NEURL1B: variants seen among roughly 807,000 people sequenced by gnomAD.
NEURL1B encodes the protein E3 ubiquitin-protein ligase NEURL1B.
A neutral mutation model predicts 37.4 loss-of-function variants in NEURL1B; 13 were observed. The observed-to-expected ratio is 0.35, with a 90% CI of 0.23 to 0.55. NEURL1B has a LOEUF of 0.55. NEURL1B is among the 20% of genes least tolerant of loss of function. The pLI, the probability that NEURL1B is intolerant of heterozygous loss-of-function variation, is 0.89. For missense variants in NEURL1B, 790 were observed against 879.2 expected, an observed-to-expected ratio of 0.90 and a Z score of 1.28; for synonymous variants, 432 against 426.6, an observed-to-expected ratio of 1.01 and a Z score of -0.16.
In NEURL1B at chr5:172,647,504, G is replaced by A. The variant is rs954768330; in HGVS notation, c.31+6067G>A. ...GTGAATTGGATCCCAGGCACGCTGGGCTCCACACCCCTTCCCCTCCATCCC... is the reference window on the plus strand; with the variant it reads ...GTGAATTGGATCCCAGGCACGCTGGACTCCACACCCCTTCCCCTCCATCCC... On this transcript the variant is annotated intron_variant, in intron 1 of 4. Coordinates refer to ENST00000369800, the MANE Select transcript of NEURL1B (RefSeq NM_001142651.3). The surrounding 1 kb of genome is among the most constrained non-coding windows in gnomAD (Gnocchi z 4.2). Among the ~76,000 whole-genome samples, 1 of 152,038 alleles carries A rather than the reference G, an allele frequency of 6.6e-6. No homozygotes were observed. The highest frequency in any genetic ancestry group is 2.1e-4 in the South Asian group (1 of 4,826).
intron 1 of NEURL1B, among the ~76,000 whole-genome samples, chr5:172,653,727 A>G (rs928803323): frequency 1.3e-5 from 2 of 152,234 alleles, no homozygotes; most frequent in Non-Finnish European, 2.9e-5. Flanking sequence ...TACTAAAAGT[A>G]TATTTTACTT....
At chr5:172,679,492 C>T (rs1758304048) in intron 2 of NEURL1B, among the ~76,000 whole-genome samples, 3 of 152,198 alleles carry the variant, frequency 2.0e-5, no homozygotes, top group Non-Finnish European at 2.9e-5. Flanking sequence ...TGCCTATAGC[C>T]GACTGGTTCT....
chr5:172,666,019 A>G (rs1310054697), intron 1 of NEURL1B, among the ~76,000 whole-genome samples: 1 of 152,224 alleles, frequency 6.6e-6, no homozygotes, highest in Admixed American at 6.5e-5. Flanking sequence ...TGCCTGTGCC[A>G]GTCCAGTGCC....
rs551577324 is a variant in NEURL1B, at chr5:172,657,061, A to G, written c.32-12724A>G. ...ATTTGAGTCAGTCCCTCACGTCCCC[A>G]TGATGGATGACTGGTTGGCTAGGGA... On this transcript the variant is annotated intron_variant, in intron 1 of 4. Transcript: ENST00000369800. The surrounding 1 kb of genome is among the most constrained non-coding windows in gnomAD (Gnocchi z 4.0). Among the ~76,000 whole-genome samples, 249 of 152,334 alleles carry G rather than the reference A, an allele frequency of 1.6e-3. 1 individual carries two copies. Among genetic ancestry groups the G allele is most frequent in the African/African-American group, 5.7e-3 (237 of 41,572 alleles).
chr5:172,687,290 T>G lies in NEURL1B; in HGVS notation c.*365T>G, dbSNP rs1758525537. ...GGGGAGGGAGGGAGAACAGAGAGAA[T>G]GTGTGTGTGAGAGAGAGAGAGAGAG... On this transcript the variant is annotated 3_prime_UTR_variant, in exon 5 of 5. Coordinates refer to ENST00000369800, the MANE Select transcript of NEURL1B (RefSeq NM_001142651.3). 9.5e-6 allele frequency: 2 copies of G among 209,630 alleles called. No individual in the cohort carries two copies. The highest frequency in any genetic ancestry group is 9.7e-6 in the Non-Finnish European group (1 of 103,436). The allele number at this position is 209,630 out of a possible 1,614,324, so 13.0% of individuals were successfully genotyped here. A position where few individuals can be genotyped will look rare whatever the true frequency, so the allele number is the denominator to read the frequency against.
intron 1 of NEURL1B, among the ~76,000 whole-genome samples, chr5:172,669,537 T>G (rs1758078204): frequency 7.6e-6 from 1 of 131,232 alleles, no homozygotes; most frequent in South Asian, 2.2e-4. Flanking sequence ...ACAGCTCTAG[T>G]GCTTCACCAC....
chr5:172,643,146 G>C (rs1478075083), intron 1 of NEURL1B, among the ~76,000 whole-genome samples: 7 of 152,180 alleles, frequency 4.6e-5, no homozygotes, highest in Non-Finnish European at 1.5e-5. Flanking sequence ...CCTAGTCTGG[G>C]AGCCGGCAGT....
chr5:172,674,055 G>A lies in NEURL1B; in HGVS notation c.577+3725G>A, dbSNP rs189676252. ...CTTGGGAGGCTGAGGCAGAAGAATCGCTTGAACCCAGGAGGCAGAGGTTGC... is the reference window on the plus strand; with the variant it reads ...CTTGGGAGGCTGAGGCAGAAGAATCACTTGAACCCAGGAGGCAGAGGTTGC... On this transcript the variant is annotated intron_variant, in intron 2 of 4. Coordinates refer to ENST00000369800, the MANE Select transcript of NEURL1B (RefSeq NM_001142651.3). Among the ~76,000 whole-genome samples, 510 of 151,910 alleles carry A rather than the reference G, an allele frequency of 3.4e-3. 4 individuals are homozygous for A. Among genetic ancestry groups the A allele is most frequent in the African/African-American group, 0.011 (459 of 41,430 alleles).
chr5:172,689,502 C>T lies in NEURL1B; in HGVS notation c.*2577C>T, dbSNP rs182427778. ...TCTTAACTAAGATGCTACAACTGTA[C>T]AGTTCCTTCCAATCAGAGATGTTCA... On this transcript the variant is annotated 3_prime_UTR_variant, in exon 5 of 5. Coordinates refer to ENST00000369800, the MANE Select transcript of NEURL1B (RefSeq NM_001142651.3). The T allele has an allele frequency of 2.6e-5, 4 of 152,282 alleles. No individual in the cohort carries two copies. The highest frequency in any genetic ancestry group is 1.9e-4 in the East Asian group (1 of 5,182). 9.4% of individuals were successfully genotyped at this position (152,282 alleles called of 1,614,324 possible).
Position 172,675,232 on chromosome 5 carries a change from T to G in NEURL1B, c.577+4902T>G, listed in dbSNP as rs925738125. On this transcript the variant is annotated intron_variant, in intron 2 of 4. Coordinates refer to ENST00000369800, the MANE Select transcript of NEURL1B (RefSeq NM_001142651.3). This position sits in a 1 kb window ranked among gnomAD's most constrained non-coding sequence, Gnocchi z 4.7. The stretch of plus-strand genomic sequence containing the variant: ...TTTTATATGCTTATGTGGATGGTAT[T>G]GTGCTAAGGACCTTATTCTGTTTTT... 6.6e-6 allele frequency among the ~76,000 whole-genome samples: 1 copy of G among 152,214 alleles called. No individual in the cohort carries two copies. Among genetic ancestry groups the G allele is most frequent in the South Asian group, 2.1e-4 (1 of 4,828 alleles).
intron 1 of NEURL1B, among the ~76,000 whole-genome samples, chr5:172,669,452 T>C (rs1226404414): frequency 1.3e-5 from 2 of 152,068 alleles, no homozygotes; most frequent in Non-Finnish European, 2.9e-5. Flanking sequence ...TGGAGGGATT[T>C]GATGGGGATG....
intron 1 of NEURL1B, among the ~76,000 whole-genome samples, chr5:172,663,783 C>T (rs1757949408): frequency 6.9e-6 from 1 of 144,270 alleles, no homozygotes; most frequent in South Asian, 2.3e-4. Context: ...GATTTAGTCG[C>T]TGGCGTGGTT....
rs1018855200 is a variant in NEURL1B, at chr5:172,661,381, A to G, written c.32-8404A>G. On this transcript the variant is annotated intron_variant, in intron 1 of 4. Transcript: ENST00000369800. This position sits in a 1 kb window ranked among gnomAD's most constrained non-coding sequence, Gnocchi z 4.0. The stretch of plus-strand genomic sequence containing the variant: ...CTCTATAGATTTTATTGCTTCTAAC[A>G]AGGTCCATGAACCATTCCCCACGCC... Among the ~76,000 whole-genome samples, 6 of 152,156 alleles carry G rather than the reference A, an allele frequency of 3.9e-5. No homozygotes were observed. The highest frequency in any genetic ancestry group is 2.1e-4 in the South Asian group (1 of 4,832).
intron 1 of NEURL1B, among the ~76,000 whole-genome samples, chr5:172,651,845 G>T (rs1757671527): frequency 6.6e-6 from 1 of 152,202 alleles, no homozygotes; most frequent in Non-Finnish European, 1.5e-5. Flanking sequence ...CATCTAAATA[G>T]ACGTGAGAGT....
At chr5:172,660,484 G>A (rs973257835) in intron 1 of NEURL1B, among the ~76,000 whole-genome samples, 1 of 151,998 alleles carries the variant, frequency 6.6e-6, no homozygotes, top group Non-Finnish European at 1.5e-5. Flanking sequence ...GAGCAGAGTG[G>A]CAGTTACCAG....
rs985473885 is a variant in NEURL1B, at chr5:172,688,771, A to G, written c.*1846A>G. 1 of 152,242 alleles carries G rather than the reference A, an allele frequency of 6.6e-6. No individual in the cohort carries two copies. The highest frequency in any genetic ancestry group is 1.5e-5 in the Non-Finnish European group (1 of 68,050). The allele number at this position is 152,242 out of a possible 1,614,324, so 9.4% of individuals were successfully genotyped here. A position where few individuals can be genotyped will look rare whatever the true frequency, so the allele number is the denominator to read the frequency against. ...TTTTGGAACCACAGTGTTTGCCAAGATAAGAGTTTGAGAATCCAGCAGCCC... is the reference window on the plus strand; with the variant it reads ...TTTTGGAACCACAGTGTTTGCCAAGGTAAGAGTTTGAGAATCCAGCAGCCC... On this transcript the variant is annotated 3_prime_UTR_variant, in exon 5 of 5. Coordinates refer to ENST00000369800, the MANE Select transcript of NEURL1B (RefSeq NM_001142651.3). This position sits in a 1 kb window ranked among gnomAD's most constrained non-coding sequence, Gnocchi z 4.3.
chr5:172,679,143 G>A (rs1758297325), intron 2 of NEURL1B, among the ~76,000 whole-genome samples: 1 of 152,268 alleles, frequency 6.6e-6, no homozygotes, highest in Non-Finnish European at 1.5e-5. Flanking sequence ...TGCTCTCAGA[G>A]CTGAACGACA....
chr5:172,660,514 C>T (rs755324121), intron 1 of NEURL1B, among the ~76,000 whole-genome samples: 1 of 152,274 alleles, frequency 6.6e-6, no homozygotes, highest in Non-Finnish European at 1.5e-5. Context: ...GCCCTTTTCC[C>T]TTGGGGATGC....
At chr5:172,656,264 C>A (rs892941946) in intron 1 of NEURL1B, among the ~76,000 whole-genome samples, 2 of 151,864 alleles carry the variant, frequency 1.3e-5, no homozygotes, top group African/African-American at 4.8e-5. Context: ...GTAATCGGAA[C>A]GAATTAGAGT....
Sources: gnomAD v4.1 joint callset for allele counts (sites outside exome capture counted in the v4.1 genomes callset) on GRCh38, gnomAD v4.1.1 for gene constraint, Gnocchi (gnomAD v3.1) non-coding constraint, MANE v1.5 for transcripts, NCBI Gene and HGNC (gene_info 2026-07-23, HGNC 2026-07-21) for gene names.